Variants in ZEB1 observed in about 807,000 individuals in gnomAD.
ZEB1 encodes zinc finger E-box binding homeobox 1, also known as zinc finger E-box-binding homeobox 1.
In ZEB1, 21 loss-of-function variants were observed where a neutral mutation model predicts 84.9. The ratio of observed to expected loss-of-function variants is 0.25; its 90% CI spans 0.18 to 0.36. The LOEUF (loss-of-function observed/expected upper bound fraction) is 0.36. Among genes scored for constraint, ZEB1 ranks in the 10% least tolerant of loss-of-function variants. The pLI, the probability that ZEB1 is intolerant of heterozygous loss-of-function variation, is 1.00. For missense variants in ZEB1, 1,104 were observed against 1,330.2 expected, an observed-to-expected ratio of 0.83 and a Z score of 2.65; for synonymous variants, 420 against 471.1, an observed-to-expected ratio of 0.89 and a Z score of 1.41.
At chr10:31,416,837 A>G (rs999212389) in intron 1 of ZEB1, among the ~76,000 whole-genome samples, 2 of 152,130 alleles carry the variant, frequency 1.3e-5, no homozygotes, top group Admixed American at 6.6e-5. Flanking sequence ...AAGCCCCCAA[A>G]GTTTTTATTG....
chr10:31,355,637 G>A (rs1332505264), intron 1 of ZEB1, among the ~76,000 whole-genome samples: 4 of 152,132 alleles, frequency 2.6e-5, no homozygotes, highest in Non-Finnish European at 5.9e-5. Context: ...GGAAGAATCA[G>A]CATGAGTTAG....
At chr10:31,525,127 A>C (rs920581352) in intron 8 of ZEB1, among the ~76,000 whole-genome samples, 1 of 152,238 alleles carries the variant, frequency 6.6e-6, no homozygotes, top group African/African-American at 2.4e-5. Context: ...AAATATCAGC[A>C]TCCGTAAATA....
intron 2 of ZEB1, among the ~76,000 whole-genome samples, chr10:31,485,122 T>A (rs2065552283): frequency 1.3e-5 from 2 of 151,990 alleles, no homozygotes; most frequent in Admixed American, 6.6e-5. Context: ...TACCCTGCTC[T>A]TAAAATTTAA....
intron 2 of ZEB1, among the ~76,000 whole-genome samples, chr10:31,467,793 G>A (rs2062629245): frequency 6.6e-6 from 1 of 152,064 alleles, no homozygotes; most frequent in African/African-American, 2.4e-5. Flanking sequence ...TACAGAAGCT[G>A]GGCACCCCTC....
At position 31,479,971 on chromosome 10, in the gene ZEB1, C is replaced by T. The variant is rs182029469; in HGVS notation, c.260-15805C>T. Among the ~76,000 whole-genome samples the T allele has an allele frequency of 8.6e-5, 13 of 152,000 alleles. No homozygotes were observed. In the East Asian group the frequency reaches 2.5e-3, roughly 29 times the overall value. On this transcript the variant is annotated intron_variant, in intron 2 of 8. Transcript: ENST00000424869. The stretch of plus-strand genomic sequence containing the variant: ...AATCTTACAAGATCTTGTGGTTCAG[C>T]CAAAAACTCTCATGCTTGTGTCAGT...
intron 1 of ZEB1, among the ~76,000 whole-genome samples, chr10:31,377,048 T>C (rs2046761332): frequency 6.6e-6 from 1 of 150,954 alleles, no homozygotes; most frequent in Non-Finnish European, 1.5e-5. Context: ...TCAAAGGCTT[T>C]CTAGAGATGC....
intron 6 of ZEB1, among the ~76,000 whole-genome samples, chr10:31,516,539 T>TAAAAAAAAA (rs71027029): frequency 2.9e-5 from 1 of 34,072 alleles, no homozygotes; most frequent in African/African-American, 9.9e-5. Flanking sequence ...TGTCTGTAAG[T>TAAAAAAAAA]AAAAAAAAAA....
chr10:31,413,779 A>G (rs73260085), intron 1 of ZEB1, among the ~76,000 whole-genome samples: 4,975 of 152,264 alleles, frequency 0.033, 245 homozygotes, highest in African/African-American at 0.11. Context: ...TAAGACTGCA[A>G]TTTAGTACAA....
intron 1 of ZEB1, among the ~76,000 whole-genome samples, chr10:31,354,993 A>C (rs1251877777): frequency 6.6e-6 from 1 of 152,204 alleles, no homozygotes; most frequent in Non-Finnish European, 1.5e-5. Context: ...GGTGTAATAC[A>C]AAGCATTATA....
At chr10:31,322,008 G>C (rs978871097) in intron 1 of ZEB1, 1 of 199,824 alleles carries the variant, frequency 5.0e-6, no homozygotes, top group African/African-American at 2.3e-5. Flanking sequence ...CGTCTGTTTA[G>C]CACAAAACGT....
At chr10:31,433,137 T>A (rs1266152916) in intron 1 of ZEB1, among the ~76,000 whole-genome samples, 1 of 152,230 alleles carries the variant, frequency 6.6e-6, no homozygotes, top group Non-Finnish European at 1.5e-5. Context: ...ACTGCTCTCT[T>A]GAACTTTGAG....
intron 7 of ZEB1, 29 bp downstream of exon 7, chr10:31,521,965 G>A: frequency 6.2e-7 from 1 of 1,613,644 alleles, no homozygotes; most frequent in Non-Finnish European, 8.5e-7. Flanking sequence ...CCTGAACCTG[G>A]CTAGTAATAT....
At chr10:31,387,951 G>A (rs1371781212) in intron 1 of ZEB1, among the ~76,000 whole-genome samples, 2 of 152,084 alleles carry the variant, frequency 1.3e-5, no homozygotes, top group Non-Finnish European at 2.9e-5. Context: ...TTCTATCAGG[G>A]AAACCTTATG....
chr10:31,423,904 A>G (rs1163254741), intron 1 of ZEB1, among the ~76,000 whole-genome samples: 2 of 152,066 alleles, frequency 1.3e-5, no homozygotes, highest in African/African-American at 2.4e-5. Flanking sequence ...GTCATGATAG[A>G]AAACGACTCC....
chr10:31,526,480 G>C (rs1230372387), intron 8 of ZEB1, among the ~76,000 whole-genome samples, 192 bp from the exon 9 acceptor site: 1 of 151,658 alleles, frequency 6.6e-6, no homozygotes, highest in Non-Finnish European at 1.5e-5. Flanking sequence ...AGAGTGTAGA[G>C]CACTACGTTT....
At chr10:31,405,963 G>A (rs1183149930) in intron 1 of ZEB1, among the ~76,000 whole-genome samples, 3 of 152,146 alleles carry the variant, frequency 2.0e-5, no homozygotes, top group Non-Finnish European at 2.9e-5. Flanking sequence ...CTGTTCCTGC[G>A]TTAGTTTGCT....
chr10:31,387,455 G>A (rs1404236398), intron 1 of ZEB1, among the ~76,000 whole-genome samples: 2 of 152,122 alleles, frequency 1.3e-5, no homozygotes, highest in Non-Finnish European at 2.9e-5. Flanking sequence ...ATGTCCTGGG[G>A]ATGTATGGAT....
At chr10:31,454,550 T>G (rs535922136) in intron 1 of ZEB1, among the ~76,000 whole-genome samples, 3 of 152,334 alleles carry the variant, frequency 2.0e-5, no homozygotes, top group African/African-American at 7.2e-5. Flanking sequence ...CTCCTTAAGC[T>G]GATAAACAAC....
At chr10:31,519,986 A>C in intron 6 of ZEB1, 140 bp from the exon 7 acceptor site, 1 of 1,144,572 alleles carries the variant, frequency 8.7e-7, no homozygotes, top group Non-Finnish European at 1.2e-6. Context: ...TAAAAAGTTT[A>C]TTCTAAATAC....
Sources: gnomAD v4.1 joint callset for allele counts (sites outside exome capture counted in the v4.1 genomes callset) on GRCh38, gnomAD v4.1.1 for gene constraint, MANE v1.5 for transcripts, NCBI Gene and HGNC (gene_info 2026-07-23, HGNC 2026-07-21) for gene names.